Variants in GLRA3 observed in about 807,000 individuals in gnomAD.
GLRA3 encodes glycine receptor subunit alpha-3.
Under a neutral mutation model 60.4 loss-of-function variants are expected in GLRA3, and 44 were observed. That is an observed-to-expected ratio of 0.73 (90% CI 0.57 to 0.94). The LOEUF is 0.94. GLRA3 is among the 40% of genes least tolerant of loss of function. The pLI, the probability that GLRA3 is intolerant of heterozygous loss-of-function variation, is 0.00. For missense variants in GLRA3, 508 were observed against 564.6 expected (o/e 0.90, Z 1.02); for synonymous variants, 223 against 192.9 (o/e 1.16, Z -1.29).
At chr4:174,646,050 GT>G (rs1342309682) in intron 9 of GLRA3, among the ~76,000 whole-genome samples, 2 of 152,156 alleles carry the variant, frequency 1.3e-5, no homozygotes, top group African/African-American at 2.4e-5. Flanking sequence ...AGCAACCTAT[GT>G]GTTAAAAGAC....
At chr4:174,683,056 A>G in intron 5 of GLRA3, 117 bp from the exon 6 acceptor site, 1 of 743,574 alleles carries the variant, frequency 1.3e-6, no homozygotes, top group South Asian at 1.7e-5. Context: ...TCTTATAGTA[A>G]CTCTGTGGAT....
intron 2 of GLRA3, among the ~76,000 whole-genome samples, chr4:174,785,851 C>T (rs972962698): frequency 6.6e-6 from 1 of 151,888 alleles, no homozygotes; most frequent in Non-Finnish European, 1.5e-5. Context: ...CTCACTGTAA[C>T]CTCAAACAAC....
intron 5 of GLRA3, among the ~76,000 whole-genome samples, chr4:174,714,651 G>A (rs770115154): frequency 1.1e-4 from 17 of 151,976 alleles, no homozygotes; most frequent in Non-Finnish European, 1.6e-4. Flanking sequence ...TCTGAGGCTC[G>A]GCCTTCAAAT....
rs564319782 is a variant in GLRA3 at position 174,739,972 on chromosome 4, C to T, written c.268-11274G>A. Among the ~76,000 whole-genome samples the T allele has an allele frequency of 1.8e-4, 28 of 152,290 alleles. No individual in the cohort carries two copies. The South Asian group carries it at 5.8e-3, about 32-fold the overall frequency. On this transcript the variant is annotated intron_variant, in intron 3 of 9. Coordinates refer to ENST00000274093, the MANE Select transcript of GLRA3 (RefSeq NM_006529.4). ...CCTATTGAATGGGAACACCTTATCCCTATTGCAGTTTTCCTATTCTGTATC... is the reference window on the plus strand; with the variant it reads ...CCTATTGAATGGGAACACCTTATCCTTATTGCAGTTTTCCTATTCTGTATC...
chr4:174,758,408 T>C (rs991189800), intron 3 of GLRA3, among the ~76,000 whole-genome samples: 1 of 152,110 alleles, frequency 6.6e-6, no homozygotes, highest in African/African-American at 2.4e-5. Context: ...CATAATCTAA[T>C]CTATTCATAA....
chr4:174,806,191 A>T (rs1198618922), intron 1 of GLRA3, among the ~76,000 whole-genome samples: 1 of 152,150 alleles, frequency 6.6e-6, no homozygotes, highest in Non-Finnish European at 1.5e-5. Context: ...AAAATTATAA[A>T]CTTAAATCTG....
intron 5 of GLRA3, among the ~76,000 whole-genome samples, chr4:174,708,577 C>T (rs1463102002): frequency 6.8e-6 from 1 of 146,862 alleles, no homozygotes; most frequent in Non-Finnish European, 1.5e-5. Context: ...CTTTTCAAAT[C>T]TAAATAATAT....
At chr4:174,770,459 G>C (rs1260837484) in intron 2 of GLRA3, among the ~76,000 whole-genome samples, 2 of 152,092 alleles carry the variant, frequency 1.3e-5, no homozygotes, top group Non-Finnish European at 2.9e-5. Flanking sequence ...AAAATACAGA[G>C]AGAGGAGTCA....
intron 3 of GLRA3, among the ~76,000 whole-genome samples, chr4:174,741,187 TC>T (rs1385287969): frequency 6.6e-6 from 1 of 152,198 alleles, no homozygotes; most frequent in African/African-American, 2.4e-5. Context: ...TATTTGCACT[TC>T]CGTCAATTAT....
intron 2 of GLRA3, among the ~76,000 whole-genome samples, chr4:174,773,134 C>T (rs1738458337): frequency 6.6e-6 from 1 of 152,102 alleles, no homozygotes; most frequent in Non-Finnish European, 1.5e-5. Flanking sequence ...CTTCTCTGTG[C>T]CAATGCAAAA....
chr4:174,649,351 G>A (rs1732949100), intron 9 of GLRA3, among the ~76,000 whole-genome samples: 1 of 152,202 alleles, frequency 6.6e-6, no homozygotes, highest in Non-Finnish European at 1.5e-5. Flanking sequence ...GGAAAAAAGA[G>A]AGTAAGATAT....
At chr4:174,795,200 T>C (rs1307847608) in intron 1 of GLRA3, among the ~76,000 whole-genome samples, 1 of 151,996 alleles carries the variant, frequency 6.6e-6, no homozygotes, top group Non-Finnish European at 1.5e-5. Context: ...ATCACTAACA[T>C]AGACCAAGAC....
At chr4:174,699,838 T>C (rs2877826) in intron 5 of GLRA3, among the ~76,000 whole-genome samples, 3 of 150,098 alleles carry the variant, frequency 2.0e-5, no homozygotes, top group African/African-American at 7.3e-5. Context: ...TTGTTAATTA[T>C]TAATTAATAA....
chr4:174,659,564 G>T (rs1033307413), intron 7 of GLRA3, among the ~76,000 whole-genome samples: 1 of 151,748 alleles, frequency 6.6e-6, no homozygotes, highest in Non-Finnish European at 1.5e-5. Context: ...AATTAAAATT[G>T]TATTTATTAA....
intron 3 of GLRA3, among the ~76,000 whole-genome samples, chr4:174,762,939 G>GTCTT (rs1183721446): frequency 1.3e-5 from 2 of 152,116 alleles, no homozygotes; most frequent in Admixed American, 6.5e-5. Context: ...GAATTCAGAA[G>GTCTT]TCTTTTATCA....
At chr4:174,677,785 G>A (rs1031799779) in intron 6 of GLRA3, among the ~76,000 whole-genome samples, 18 of 152,264 alleles carry the variant, frequency 1.2e-4, no homozygotes, top group African/African-American at 3.9e-4. Context: ...TAAAGAGAGC[G>A]TACTCTTTTA....
intron 5 of GLRA3, among the ~76,000 whole-genome samples, chr4:174,699,055 TG>T (rs1735193484): frequency 6.6e-6 from 1 of 151,426 alleles, no homozygotes; most frequent in South Asian, 2.1e-4. Context: ...TGGAGTGCAG[TG>T]GTGTGATCTC....
chr4:174,778,874 G>A (rs1738729459), intron 2 of GLRA3, among the ~76,000 whole-genome samples: 1 of 152,350 alleles, frequency 6.6e-6, no homozygotes, highest in Non-Finnish European at 1.5e-5. Flanking sequence ...CAAACTGCAA[G>A]GCGGCAGTGA....
intron 5 of GLRA3, among the ~76,000 whole-genome samples, chr4:174,700,880 T>C (rs911456760): frequency 1.1e-4 from 16 of 152,146 alleles, no homozygotes; most frequent in Admixed American, 1.0e-3. Context: ...GTGAAGAAGC[T>C]GCAGAATTAA....
Sources: gnomAD v4.1 joint callset for allele counts (sites outside exome capture counted in the v4.1 genomes callset) on GRCh38, gnomAD v4.1.1 for gene constraint, MANE v1.5 for transcripts, NCBI Gene and HGNC (gene_info 2026-07-23, HGNC 2026-07-21) for gene names.